Variants in ANXA10 observed in about 807,000 individuals in gnomAD.
ANXA10 encodes annexin 14.
Under a neutral mutation model 53.5 loss-of-function variants are expected in ANXA10, and 49 were observed. That is an observed-to-expected ratio of 0.92 (90% CI 0.73 to 1.16). The LOEUF is 1.16. ANXA10 is among the 50% of genes most tolerant of loss of function. The pLI, the probability that ANXA10 is intolerant of heterozygous loss-of-function variation, is 0.00. For missense variants in ANXA10, 393 were observed against 394.4 expected (o/e 1.00, Z 0.03); for synonymous variants, 131 against 128.9 (o/e 1.02, Z -0.11).
At chr4:168,102,396 A>C (rs542542117) in intron 1 of ANXA10, among the ~76,000 whole-genome samples, 2 of 152,236 alleles carry the variant, frequency 1.3e-5, no homozygotes, top group Admixed American at 1.3e-4. Context: ...GCCTGCCTGT[A>C]GTCAGCTACC....
chr4:168,108,789 G>C (rs1730756675), intron 1 of ANXA10, among the ~76,000 whole-genome samples: 1 of 152,034 alleles, frequency 6.6e-6, no homozygotes, highest in African/African-American at 2.4e-5. Flanking sequence ...GTGCACCTAA[G>C]GTGTTCCCCA....
chr4:168,156,161 ATTATATATAT>A (rs1157902750), intron 3 of ANXA10, among the ~76,000 whole-genome samples: 168 of 15,820 alleles, frequency 0.011, 6 homozygotes, highest in African/African-American at 0.041. Flanking sequence ...TATATTATAT[ATTATATATAT>A]TATATTATAT....
At chr4:168,152,893 G>C (rs1331954645) in intron 3 of ANXA10, among the ~76,000 whole-genome samples, 1 of 151,668 alleles carries the variant, frequency 6.6e-6, no homozygotes, top group Non-Finnish European at 1.5e-5. Context: ...CACTAGGCTA[G>C]AGTGCCACGG....
chr4:168,178,076 G>A (rs1220328097), intron 8 of ANXA10, 93 bp downstream of exon 8: 1 of 1,187,412 alleles, frequency 8.4e-7, no homozygotes, highest in South Asian at 1.4e-5. Context: ...ATATTACAAG[G>A]AAATAGCGGA....
At chr4:168,156,326 ATATAT>A (rs1239795711) in intron 3 of ANXA10, among the ~76,000 whole-genome samples, 6 of 111,394 alleles carry the variant, frequency 5.4e-5, no homozygotes, top group South Asian at 4.9e-4. Context: ...ATAATATATA[ATATAT>A]TATATAGTAT....
intron 2 of ANXA10, among the ~76,000 whole-genome samples, chr4:168,134,920 C>T (rs529501325): frequency 2.4e-4 from 36 of 152,300 alleles, no homozygotes; most frequent in African/African-American, 8.7e-4. Context: ...CATAGCCTTC[C>T]TGTGATCCTA....
chr4:168,151,404 A>G (rs750341837), intron 3 of ANXA10, among the ~76,000 whole-genome samples: 1 of 152,330 alleles, frequency 6.6e-6, no homozygotes, highest in South Asian at 2.1e-4. Context: ...ATGCCATTTT[A>G]TTTTTAATTT....
At chr4:168,170,012 T>C (rs888995575) in intron 6 of ANXA10, among the ~76,000 whole-genome samples, 2 of 152,194 alleles carry the variant, frequency 1.3e-5, no homozygotes, top group Admixed American at 6.5e-5. Context: ...ATGGTGACTT[T>C]TGGATGTAAT....
intron 3 of ANXA10, among the ~76,000 whole-genome samples, chr4:168,156,409 A>G (rs919666786): frequency 2.5e-5 from 3 of 118,646 alleles, no homozygotes; most frequent in Non-Finnish European, 5.0e-5. Flanking sequence ...TATATTATAT[A>G]GTATATATTA....
At chr4:168,119,864 T>A (rs1440028703) in intron 1 of ANXA10, among the ~76,000 whole-genome samples, 1 of 152,018 alleles carries the variant, frequency 6.6e-6, no homozygotes, top group African/African-American at 2.4e-5. Flanking sequence ...TACAAGAAAT[T>A]AGGGAAAGAA....
chr4:168,162,097 G>C (rs1243010285), intron 3 of ANXA10, among the ~76,000 whole-genome samples: 1 of 151,768 alleles, frequency 6.6e-6, no homozygotes, highest in Non-Finnish European at 1.5e-5. Context: ...GTATAACCAG[G>C]GACTTCTGCT....
intron 3 of ANXA10, among the ~76,000 whole-genome samples, chr4:168,144,444 C>T (rs1214156582): frequency 1.3e-5 from 2 of 152,214 alleles, no homozygotes; most frequent in Non-Finnish European, 2.9e-5. Context: ...ACCTTGGCCT[C>T]CCAAAGTGCT....
chr4:168,094,520 C>A (rs1288094349), intron 1 of ANXA10, among the ~76,000 whole-genome samples: 1 of 152,064 alleles, frequency 6.6e-6, no homozygotes, highest in Non-Finnish European at 1.5e-5. Context: ...TGTTCTCAAG[C>A]AAGAGACTGG....
intron 3 of ANXA10, among the ~76,000 whole-genome samples, chr4:168,151,269 AG>A (rs1295524790): frequency 5.3e-5 from 8 of 152,234 alleles, no homozygotes; most frequent in African/African-American, 1.9e-4. Flanking sequence ...AAGCCATATA[AG>A]TGAAAAGCAT....
chr4:168,153,323 C>G (rs1329477842), intron 3 of ANXA10, among the ~76,000 whole-genome samples: 1 of 150,730 alleles, frequency 6.6e-6, no homozygotes, highest in East Asian at 2.0e-4. Context: ...GTTTCTGTTT[C>G]TGGTTGGGCC....
intron 3 of ANXA10, among the ~76,000 whole-genome samples, chr4:168,152,496 G>A (rs1488119546): frequency 6.6e-6 from 1 of 152,088 alleles, no homozygotes; most frequent in Non-Finnish European, 1.5e-5. Flanking sequence ...AAAACACTGA[G>A]TGTTCATTTT....
At chr4:168,118,817 A>AT (rs1278291371) in intron 1 of ANXA10, among the ~76,000 whole-genome samples, 2 of 152,082 alleles carry the variant, frequency 1.3e-5, no homozygotes, top group Non-Finnish European at 2.9e-5. Context: ...GGTATATCCT[A>AT]TTTTTTACTT....
chr4:168,154,936 G>A lies in ANXA10; in HGVS notation c.196-7592G>A, dbSNP rs115980003. On this transcript the variant is annotated intron_variant, in intron 3 of 11. Coordinates refer to ENST00000359299, the MANE Select transcript of ANXA10 (RefSeq NM_007193.5). ...GTTATGATAATCATCACATTCTTCT[G>A]CCTGGCCTACTCAACTTTCCATTAT... is the stretch of plus-strand genomic sequence containing the variant. Among the ~76,000 whole-genome samples, 1,488 of 152,066 alleles carry A rather than the reference G, an allele frequency of 9.8e-3. 19 individuals are homozygous for A. Among genetic ancestry groups the A allele is most frequent in the African/African-American group, 0.034 (1,406 of 41,466 alleles).
chr4:168,156,725 G>A (rs866514674), intron 3 of ANXA10, among the ~76,000 whole-genome samples: 3 of 151,524 alleles, frequency 2.0e-5, no homozygotes, highest in Non-Finnish European at 4.4e-5. Flanking sequence ...GTATGGTCTC[G>A]ATCTCCTGAC....
Sources: gnomAD v4.1 joint callset for allele counts (sites outside exome capture counted in the v4.1 genomes callset) on GRCh38, gnomAD v4.1.1 for gene constraint, MANE v1.5 for transcripts, NCBI Gene and HGNC (gene_info 2026-07-23, HGNC 2026-07-21) for gene names.